DIP2A: variants seen among roughly 807,000 people sequenced by gnomAD.
The protein encoded by DIP2A is disco-interacting protein 2 homolog A.
In DIP2A, 85 loss-of-function variants were observed where a neutral mutation model predicts 177.4. That is an observed-to-expected ratio of 0.48 (90% CI 0.40 to 0.57). The LOEUF is 0.57. Ranked by LOEUF, DIP2A falls within the 20% of genes least tolerant of loss-of-function variation. The probability of loss-of-function intolerance (pLI) is 0.00; values close to 1 mark genes in which losing one functional copy is unlikely to be tolerated. For missense variants in DIP2A, 1,791 were observed against 2,100.2 expected (o/e 0.85, Z 2.88); for synonymous variants, 886 against 881.8 (o/e 1.00, Z -0.08).
Position 46,556,232 on chromosome 21 carries a change from T to C in DIP2A, c.3498+141T>C. On this transcript the variant is annotated intron_variant, in intron 29 of 37. Coordinates refer to ENST00000417564, the MANE Select transcript of DIP2A (RefSeq NM_015151.4). This position sits in a 1 kb window ranked among gnomAD's most constrained non-coding sequence, Gnocchi z 4.5. Reference sequence around the variant, plus strand: ...ACAATTTTGCTTCTTAAGATTTGTGTTAAATACCAATAAATGCTAAGATGT... The same window carrying C: ...ACAATTTTGCTTCTTAAGATTTGTGCTAAATACCAATAAATGCTAAGATGT... 7.0e-7 allele frequency: 1 copy of C among 1,427,304 alleles called. No individual in the cohort carries two copies. Among genetic ancestry groups the C allele is most frequent in the Non-Finnish European group, 9.7e-7 (1 of 1,031,296 alleles). 88.4% of individuals were successfully genotyped at this position (1,427,304 alleles called of 1,614,324 possible).
chr21:46,482,361 T>G (rs1379552287), intron 1 of DIP2A, among the ~76,000 whole-genome samples: 1 of 152,220 alleles, frequency 6.6e-6, no homozygotes, highest in Non-Finnish European at 1.5e-5. Flanking sequence ...CTAGTGACCT[T>G]GTAGCCATTG....
chr21:46,557,997 G>A lies in DIP2A; in HGVS notation c.3799-226G>A, dbSNP rs2060527323. ...GGCAGGGTCCCTGCGAGATAGCGGG[G>A]TGGAAGTCTGGCCGCGTGGGAGGGC... is the stretch of plus-strand genomic sequence containing the variant. On this transcript the variant is annotated intron_variant, in intron 31 of 37. Transcript: ENST00000417564. This position sits in a 1 kb window ranked among gnomAD's most constrained non-coding sequence, Gnocchi z 6.0. 6.6e-6 allele frequency among the ~76,000 whole-genome samples: 1 copy of A among 152,218 alleles called. No individual in the cohort carries two copies. Among genetic ancestry groups the A allele is most frequent in the Non-Finnish European group, 1.5e-5 (1 of 68,032 alleles).
At chr21:46,473,785 G>A (rs1307126927) in intron 1 of DIP2A, among the ~76,000 whole-genome samples, 1 of 152,148 alleles carries the variant, frequency 6.6e-6, no homozygotes, top group African/African-American at 2.4e-5. Context: ...CAAAGTGCTG[G>A]AATTATAGGC....
intron 1 of DIP2A, among the ~76,000 whole-genome samples, chr21:46,477,879 G>A (rs981047251): frequency 5.3e-5 from 8 of 151,868 alleles, no homozygotes; most frequent in Non-Finnish European, 8.8e-5. Flanking sequence ...CACCACGCCC[G>A]GCCATCTTTC....
At chr21:46,469,525 G>A (rs148094859) in intron 1 of DIP2A, among the ~76,000 whole-genome samples, 92 of 151,950 alleles carry the variant, frequency 6.1e-4, no homozygotes, top group African/African-American at 2.1e-3. Flanking sequence ...GCTCGATGAC[G>A]TACATCTAAT....
the DIP2A span, among the ~76,000 whole-genome samples, chr21:46,582,987 C>G: frequency 6.6e-6 from 1 of 151,856 alleles, no homozygotes; most frequent in Non-Finnish European, 1.5e-5. Context: ...AAAATAAGAC[C>G]CAACTATATG....
chr21:46,495,240 T>TCTC (rs60545868), intron 3 of DIP2A, among the ~76,000 whole-genome samples: 563 of 47,166 alleles, frequency 0.012, 2 homozygotes, highest in Non-Finnish European at 0.014. Flanking sequence ...TTCTCTTCTC[T>TCTC]TCTTTCTCTC....
intron 31 of DIP2A, 124 bp from the exon 32 acceptor site, chr21:46,558,099 G>C (rs1319459599): frequency 1.0e-6 from 1 of 988,274 alleles, no homozygotes; most frequent in African/African-American, 1.6e-5. Context: ...CACAGCCTGC[G>C]GAGAGGAGGT....
the DIP2A span, among the ~76,000 whole-genome samples, chr21:46,582,905 A>T: frequency 6.6e-6 from 1 of 152,196 alleles, no homozygotes; most frequent in Non-Finnish European, 1.5e-5. Flanking sequence ...ACATGAATGA[A>T]TTAAACAGTT....
At chr21:46,534,939 A>G (rs774222584) in intron 13 of DIP2A, among the ~76,000 whole-genome samples, 54 of 152,184 alleles carry the variant, frequency 3.5e-4, no homozygotes, top group Non-Finnish European at 7.5e-4. Context: ...GGTTGTTTTC[A>G]GTAAATGCAC....
chr21:46,582,857 A>C, the DIP2A span, among the ~76,000 whole-genome samples: 4 of 152,330 alleles, frequency 2.6e-5, no homozygotes, highest in East Asian at 7.7e-4. Flanking sequence ...GGTAAAGATA[A>C]TTATATAATG....
At chr21:46,541,008 T>G (rs2059793346) in intron 17 of DIP2A, among the ~76,000 whole-genome samples, 1 of 140,164 alleles carries the variant, frequency 7.1e-6, no homozygotes, top group Non-Finnish European at 1.5e-5. Context: ...AGAGTGAAAC[T>G]CTGTGTCAAA....
chr21:46,488,953 T>G lies in DIP2A; in HGVS notation c.164-1647T>G, dbSNP rs149453183. ...TGTCACTTTACAGCATGCTTGTTTATCATCCATAAGGTGTAAGACTCTGTA... is the reference window on the plus strand; with the variant it reads ...TGTCACTTTACAGCATGCTTGTTTAGCATCCATAAGGTGTAAGACTCTGTA... On this transcript the variant is annotated intron_variant, in intron 2 of 37. Transcript: ENST00000417564. Among the ~76,000 whole-genome samples the G allele has an allele frequency of 2.6e-5, 4 of 152,392 alleles. No individual in the cohort carries two copies. The East Asian group carries it at 7.7e-4, about 29-fold the overall frequency.
chr21:46,578,688 G>A, the DIP2A span, among the ~76,000 whole-genome samples: 1 of 152,244 alleles, frequency 6.6e-6, no homozygotes, highest in East Asian at 1.9e-4. Flanking sequence ...TTTATTGAAG[G>A]CCTTTTCTGT....
At chr21:46,520,825 T>C (rs896152400) in intron 8 of DIP2A, among the ~76,000 whole-genome samples, 4 of 152,324 alleles carry the variant, frequency 2.6e-5, no homozygotes, top group Admixed American at 6.5e-5. Context: ...AAGCCACGCA[T>C]CATTTCATAT....
the DIP2A span, among the ~76,000 whole-genome samples, chr21:46,581,981 C>T: frequency 6.6e-6 from 1 of 152,212 alleles, no homozygotes; most frequent in Non-Finnish European, 1.5e-5. Context: ...AGTGGGTGCA[C>T]TGCACTGGAG....
At position 46,568,545 on chromosome 21, in the gene DIP2A, C is replaced by A. The variant is rs750683865; in HGVS notation, c.*923C>A. ...AAAAAAACAAAAAAGAGGTGTGCTG[C>A]TTGTCAGCATGTATTGTCACGGACA... On this transcript the variant is annotated 3_prime_UTR_variant, in exon 38 of 38. Coordinates refer to ENST00000417564, the MANE Select transcript of DIP2A (RefSeq NM_015151.4). 11 of 152,128 alleles carry A rather than the reference C, an allele frequency of 7.2e-5. No individual in the cohort carries two copies. Among genetic ancestry groups the A allele is most frequent in the Admixed American group, 2.0e-4 (3 of 15,270 alleles). 9.4% of individuals were successfully genotyped at this position (152,128 alleles called of 1,614,324 possible). A position where few individuals can be genotyped will look rare whatever the true frequency, so the allele number is the denominator to read the frequency against.
At chr21:46,561,672 A>G (rs763117357) in intron 33 of DIP2A, 76 bp from the exon 34 acceptor site, 55 of 1,545,492 alleles carry the variant, frequency 3.6e-5, no homozygotes, top group Non-Finnish European at 4.6e-5. Flanking sequence ...ATCATTTCCA[A>G]CGTCATGATC....
intron 8 of DIP2A, among the ~76,000 whole-genome samples, chr21:46,514,617 CTTTTTTTTT>C (rs752628688): frequency 9.9e-5 from 7 of 70,526 alleles, no homozygotes; most frequent in African/African-American, 3.9e-4. Context: ...AACTTTTATT[CTTTTTTTTT>C]TTTTTTTTTT....
Sources: gnomAD v4.1 joint callset for allele counts (sites outside exome capture counted in the v4.1 genomes callset) on GRCh38, gnomAD v4.1.1 for gene constraint, Gnocchi (gnomAD v3.1) non-coding constraint, MANE v1.5 for transcripts, NCBI Gene and HGNC (gene_info 2026-07-23, HGNC 2026-07-21) for gene names.